ERGIC1: variants seen among roughly 807,000 people sequenced by gnomAD.
The protein encoded by ERGIC1 is endoplasmic reticulum-golgi intermediate compartment 1.
ERGIC1 carries 19 observed loss-of-function variants against 38.3 expected under a neutral mutation model. The ratio of observed to expected loss-of-function variants is 0.50; its 90% CI spans 0.35 to 0.73. ERGIC1 has a LOEUF of 0.73. ERGIC1 is among the 30% of genes least tolerant of loss of function. The pLI, the probability that ERGIC1 is intolerant of heterozygous loss-of-function variation, is 0.01. For missense variants in ERGIC1, 294 were observed against 389.2 expected (o/e 0.76, Z 2.06); for synonymous variants, 124 against 157.6 (o/e 0.79, Z 1.60).
intron 6 of ERGIC1, among the ~76,000 whole-genome samples, chr5:172,925,917 C>T (rs1763640562): frequency 6.6e-6 from 1 of 152,196 alleles, no homozygotes; most frequent in Non-Finnish European, 1.5e-5. Flanking sequence ...CCCTACTCTA[C>T]AGCAGCCCAC....
intron 1 of ERGIC1, among the ~76,000 whole-genome samples, chr5:172,864,403 G>A (rs912059194): frequency 1.1e-4 from 16 of 151,318 alleles, no homozygotes; most frequent in Admixed American, 4.6e-4. Flanking sequence ...TCAGTAGCTG[G>A]GATTACAGGC....
chr5:172,935,397 TC>T, intron 9 of ERGIC1, 87 bp downstream of exon 9: 2 of 1,581,174 alleles, frequency 1.3e-6, no homozygotes, highest in Non-Finnish European at 1.7e-6. Context: ...CCTCACCTGT[TC>T]TCGCTGAAAC....
chr5:172,923,870 A>G, intron 5 of ERGIC1, 135 bp from the exon 6 acceptor site: 1 of 769,334 alleles, frequency 1.3e-6, no homozygotes, highest in South Asian at 1.6e-5. Flanking sequence ...TGCACAGTTG[A>G]AAATGATACA....
chr5:172,897,430 A>AG, intron 3 of ERGIC1, among the ~76,000 whole-genome samples: 1 of 131,764 alleles, frequency 7.6e-6, no homozygotes, highest in Non-Finnish European at 1.6e-5. Context: ...CCCTGTTTCA[A>AG]AAAAAAAAAA....
At chr5:172,886,730 C>T (rs1762432666) in intron 1 of ERGIC1, among the ~76,000 whole-genome samples, 1 of 152,158 alleles carries the variant, frequency 6.6e-6, no homozygotes, top group Non-Finnish European at 1.5e-5. Flanking sequence ...ACTGTTGTTG[C>T]CCCCACTTTA....
intron 1 of ERGIC1, among the ~76,000 whole-genome samples, chr5:172,875,406 A>G (rs10213832): frequency 0.056 from 8,463 of 152,050 alleles, 452 homozygotes; most frequent in African/African-American, 0.14. Flanking sequence ...TGGGGTAGAA[A>G]TGTTAGTGCC....
rs139097493 is a variant in ERGIC1, at chr5:172,944,380, C to T, written c.766-6329C>T. Reference sequence around the variant, plus strand: ...TCTTCCTTTTTTTTTTTTTCTGAGACGGAGTTTCACTCTTGTTGCCCAGGC... The same window carrying T: ...TCTTCCTTTTTTTTTTTTTCTGAGATGGAGTTTCACTCTTGTTGCCCAGGC... On this transcript the variant is annotated intron_variant, in intron 9 of 9. Coordinates refer to ENST00000393784, the MANE Select transcript of ERGIC1 (RefSeq NM_001031711.3). 7.1e-3 allele frequency among the ~76,000 whole-genome samples: 1,071 copies of T among 150,930 alleles called. 8 individuals are homozygous for T. The highest frequency in any genetic ancestry group is 0.024 in the African/African-American group (998 of 41,114).
intron 3 of ERGIC1, among the ~76,000 whole-genome samples, chr5:172,908,352 GTGGATCAT>G: frequency 1.2e-5 from 1 of 83,890 alleles, no homozygotes; most frequent in Admixed American, 1.2e-4. Flanking sequence ...GAGGGGGGGG[GTGGATCAT>G]GAGGTCAGGA....
chr5:172,844,301 C>T (rs1205702900), intron 1 of ERGIC1, among the ~76,000 whole-genome samples: 1 of 152,236 alleles, frequency 6.6e-6, no homozygotes, highest in Non-Finnish European at 1.5e-5. Context: ...GCGCGAGGCC[C>T]TGTGGGGAAG....
At chr5:172,871,765 G>A (rs904251494) in intron 1 of ERGIC1, among the ~76,000 whole-genome samples, 2 of 152,226 alleles carry the variant, frequency 1.3e-5, no homozygotes, top group African/African-American at 4.8e-5. Flanking sequence ...GGCGGGCAGT[G>A]GGGTGAGAAG....
rs139594300 is a variant in ERGIC1, at chr5:172,881,374, G to T, written c.21-7325G>T. Among the ~76,000 whole-genome samples the T allele has an allele frequency of 8.4e-3, 1,275 of 152,286 alleles. 5 individuals are homozygous for T. The highest frequency in any genetic ancestry group is 0.037 in the Middle Eastern group (11 of 294). ...CATCTTATCTTAGTCTCATGTTTAA[G>T]GCTATCCAGTGGGCCTTATGCTTGT... On this transcript the variant is annotated intron_variant, in intron 1 of 9. Coordinates refer to ENST00000393784, the MANE Select transcript of ERGIC1 (RefSeq NM_001031711.3).
At chr5:172,919,105 T>C (rs1277759837) in intron 5 of ERGIC1, among the ~76,000 whole-genome samples, 2 of 152,198 alleles carry the variant, frequency 1.3e-5, no homozygotes, top group Non-Finnish European at 2.9e-5. Flanking sequence ...CTCCCCGCCG[T>C]TGGTGGCCCA....
chr5:172,928,765 T>C (rs1763712371), intron 7 of ERGIC1, among the ~76,000 whole-genome samples: 1 of 151,958 alleles, frequency 6.6e-6, no homozygotes, highest in African/African-American at 2.4e-5. Context: ...CGGCCTCCAG[T>C]GTCCCCCTCC....
chr5:172,853,286 C>T (rs1206359971), intron 1 of ERGIC1, among the ~76,000 whole-genome samples: 1 of 152,196 alleles, frequency 6.6e-6, no homozygotes, highest in Non-Finnish European at 1.5e-5. Context: ...GTCCTGGCCA[C>T]AGCCCCCATT....
chr5:172,951,930 G>C lies in ERGIC1; in HGVS notation c.*1114G>C, dbSNP rs900954301. On this transcript the variant is annotated 3_prime_UTR_variant, in exon 10 of 10. Transcript: ENST00000393784. ...TCTCTACAGCCATCGTGGCCCACTT[G>C]ACACTGTGCTCCTCCATCAGCTGGT... The C allele has an allele frequency of 2.0e-5, 3 of 152,304 alleles. No individual in the cohort carries two copies. The highest frequency in any genetic ancestry group is 4.4e-5 in the Non-Finnish European group (3 of 68,126). 9.4% of individuals were successfully genotyped at this position (152,304 alleles called of 1,614,324 possible). A position where few individuals can be genotyped will look rare whatever the true frequency, so the allele number is the denominator to read the frequency against.
intron 2 of ERGIC1, among the ~76,000 whole-genome samples, chr5:172,893,941 A>ATATATATATATATG (rs1259799557): frequency 0.023 from 880 of 38,642 alleles, 60 homozygotes; most frequent in African/African-American, 0.054. Context: ...GTGTGTATAT[A>ATATATATATATATG]TATATATATA....
In ERGIC1 at chr5:172,888,724, A is replaced by G. The variant is rs1360965172; in HGVS notation, c.46A>G (p.Lys16Glu). The G allele has an allele frequency of 1.2e-6, 2 of 1,614,010 alleles. No individual in the cohort carries two copies. The highest frequency in any genetic ancestry group is 1.7e-6 in the Non-Finnish European group (2 of 1,180,010). ...GTTTGACATCTACAGGAAGGTGCCC[A>G]AGGACCTTACGCAGCCAACGTACAC... ...RRFDIYRKVPKDLTQPTYTGA... is the reference protein window; with the variant it reads ...RRFDIYRKVPEDLTQPTYTGA... Residue 16 changes from lysine (K) to glutamate (E), a missense_variant, in exon 2 of 10, where the codon AAG (lysine) becomes GAG (glutamate). Around this residue, in one of 3 missense-constraint regions of ERGIC1, gnomAD observed 163 missense variants for 225.8 expected, o/e 0.72. Transcript: ENST00000393784.
At chr5:172,902,229 C>G (rs1581557545) in intron 3 of ERGIC1, among the ~76,000 whole-genome samples, 2 of 152,258 alleles carry the variant, frequency 1.3e-5, no homozygotes, top group East Asian at 1.9e-4. Flanking sequence ...AGATGGAAGC[C>G]TGGGAGGTGG....
chr5:172,938,191 A>G (rs1157571093), intron 9 of ERGIC1, among the ~76,000 whole-genome samples: 1 of 152,170 alleles, frequency 6.6e-6, no homozygotes, highest in African/African-American at 2.4e-5. Flanking sequence ...CCCGCAGGGT[A>G]GCACACCCCA....
Sources: allele counts gnomAD v4.1 joint callset (sites outside exome capture counted in the v4.1 genomes callset), GRCh38; gene constraint gnomAD v4.1.1; regional missense constraint gnomAD v4.1.1; transcripts MANE v1.5; gene names NCBI Gene and HGNC (gene_info 2026-07-23, HGNC 2026-07-21).